MLLT10: variants seen among roughly 807,000 people sequenced by gnomAD.
MLLT10 encodes MLLT10 histone lysine methyltransferase DOT1L cofactor.
A neutral mutation model predicts 129.1 loss-of-function variants in MLLT10; 30 were observed. The observed-to-expected ratio is 0.23, with a 90% confidence interval of 0.17 to 0.32. The LOEUF (loss-of-function observed/expected upper bound fraction) is 0.32. Ranked by LOEUF, MLLT10 falls within the 10% of genes least tolerant of loss-of-function variation. The pLI, the probability that MLLT10 is intolerant of heterozygous loss-of-function variation, is 1.00. For missense variants in MLLT10, 1,119 were observed against 1,268.3 expected (o/e 0.88, Z 1.79); for synonymous variants, 490 against 446.4 (o/e 1.10, Z -1.23).
intron 13 of MLLT10, among the ~76,000 whole-genome samples, chr10:21,693,642 A>T (rs561905518): frequency 4.0e-4 from 60 of 151,816 alleles, no homozygotes; most frequent in African/African-American, 1.4e-3. Context: ...CCTGATTGAG[A>T]GAATTCATGC....
chr10:21,716,249 C>G (rs1286906067), intron 14 of MLLT10, among the ~76,000 whole-genome samples: 1 of 152,212 alleles, frequency 6.6e-6, no homozygotes, highest in Non-Finnish European at 1.5e-5. Context: ...ATTCCTGTTT[C>G]ACTCTCATAT....
Position 21,673,354 on chromosome 10 carries a change from T to A in MLLT10, c.1056T>A (p.Ser352Arg), listed in dbSNP as rs369159177. The change falls in exon 11 of 23, where the codon AGT becomes AGA. Residue 352 changes from serine (S) to arginine (R), a missense_variant. Physicochemically the swap from Ser to Arg is moderately radical, Grantham distance 110. Coordinates refer to ENST00000307729, the MANE Select transcript of MLLT10 (RefSeq NM_001195626.3). Reference protein sequence around the residue: ...VSAASPFPQGSFSGTPGSVKS... With the variant: ...VSAASPFPQGRFSGTPGSVKS... Reference sequence around the variant, plus strand: ...TTTTTTTTTTTTAAACTACAGGCAGTTTTTCAGGAACTCCAGGCAGTGTAA... The same window carrying A: ...TTTTTTTTTTTTAAACTACAGGCAGATTTTCAGGAACTCCAGGCAGTGTAA... 1 of 1,303,394 alleles carries A rather than the reference T, an allele frequency of 7.7e-7. No individual in the cohort carries two copies. The highest frequency in any genetic ancestry group is 9.9e-7 in the Non-Finnish European group (1 of 1,005,216). 80.7% of individuals were successfully genotyped at this position (1,303,394 alleles called of 1,614,324 possible).
intron 9 of MLLT10, among the ~76,000 whole-genome samples, chr10:21,669,923 GT>G (rs200919714): frequency 6.7e-6 from 1 of 149,290 alleles, no homozygotes; most frequent in Admixed American, 6.7e-5. Flanking sequence ...AAATCTTTCT[GT>G]TTTTTTTTGC....
chr10:21,631,721 G>A (rs547382106), intron 8 of MLLT10, among the ~76,000 whole-genome samples: 9 of 152,214 alleles, frequency 5.9e-5, no homozygotes, highest in African/African-American at 2.2e-4. Context: ...ACCAGATCTG[G>A]TGAGAACTCT....
Position 21,535,121 on chromosome 10 carries a change from TGGGGGC to T in MLLT10, c.160+338_160+343del, listed in dbSNP as rs913075814. Among the ~76,000 whole-genome samples, 113 of 85,314 alleles carry T rather than the reference TGGGGGC, an allele frequency of 1.3e-3. 1 individual carries two copies. In the East Asian group the frequency reaches 0.036, roughly 27 times the overall value. The allele number at this position is 85,314 out of a possible 152,430, so 56.0% of individuals were successfully genotyped here. A position where few individuals can be genotyped will look rare whatever the true frequency, so the allele number is the denominator to read the frequency against. Reference sequence around the variant, plus strand: ...CGCGCCCTCGAGATCTGGGCCGGGGTGGGGGCGGGGGCGGGGGCGGGGGCGGTGCGC... The same window carrying T: ...CGCGCCCTCGAGATCTGGGCCGGGGTGGGGGCGGGGGCGGGGGCGGTGCGC... On this transcript the variant is annotated intron_variant, in intron 2 of 22. Coordinates refer to ENST00000307729, the MANE Select transcript of MLLT10 (RefSeq NM_001195626.3).
At position 21,607,015 on chromosome 10, in the gene MLLT10, C is replaced by T. The variant is rs1413368539; in HGVS notation, c.406-5333C>T. ...TGGTAGTTCACACCTTTAATCCCAGCCCTTTTGGAGACAGTAGGATTGCTT... is the reference window on the plus strand; with the variant it reads ...TGGTAGTTCACACCTTTAATCCCAGTCCTTTTGGAGACAGTAGGATTGCTT... On this transcript the variant is annotated intron_variant, in intron 5 of 22. Coordinates refer to ENST00000307729, the MANE Select transcript of MLLT10 (RefSeq NM_001195626.3). 2.0e-5 allele frequency among the ~76,000 whole-genome samples: 3 copies of T among 152,110 alleles called. No homozygotes were observed. In the East Asian group the frequency reaches 5.8e-4, roughly 29 times the overall value.
Position 21,726,334 on chromosome 10 carries a change from C to G in MLLT10, c.1969C>G (p.Gln657Glu). ...SNSSMAALIA[Q>E]SENNQTDQDL... ...TTCATCAATGGCAGCTCTTATAGCT[C>G]AGTCTGAAAACAATCAAACAGGTAA... Residue 657 changes from glutamine (Q) to glutamate (E), a missense_variant, in exon 15 of 23, where the codon CAG (glutamine) becomes GAG (glutamate). Coordinates refer to ENST00000307729, the MANE Select transcript of MLLT10 (RefSeq NM_001195626.3). 2 of 1,611,168 alleles carry G rather than the reference C, an allele frequency of 1.2e-6. No individual in the cohort carries two copies. Among genetic ancestry groups the G allele is most frequent in the African/African-American group, 1.3e-5 (1 of 74,954 alleles).
intron 8 of MLLT10, among the ~76,000 whole-genome samples, chr10:21,624,006 T>G (rs2046171621): frequency 6.6e-6 from 1 of 152,206 alleles, no homozygotes; most frequent in Non-Finnish European, 1.5e-5. Context: ...AAGAACAAAT[T>G]GTCATGGCTT....
In MLLT10 at chr10:21,713,931, C is replaced by T. The variant is rs1272083586; in HGVS notation, c.1859C>T (p.Pro620Leu). The change falls in exon 14 of 23, where the codon CCT becomes CTT. Residue 620 changes from proline to leucine, a missense_variant. Coordinates refer to ENST00000307729, the MANE Select transcript of MLLT10 (RefSeq NM_001195626.3). ...CCCTCAGCTGTGTCATCTGCAGCCC[C>T]TGCTGTTGCTACAACTCAGGTAAGT... Reference protein sequence around the residue: ...LSPSAVSSAAPAVATTQANTL... With the variant: ...LSPSAVSSAALAVATTQANTL... The T allele has an allele frequency of 6.2e-7, 1 of 1,612,070 alleles. No homozygotes were observed. Among genetic ancestry groups the T allele is most frequent in the South Asian group, 1.1e-5 (1 of 90,676 alleles).
In MLLT10 at chr10:21,727,066, G is replaced by C. The variant is rs539238120; in HGVS notation, c.1990+711G>C. ...TTGACATGTCCAAGTAGTCATGCCT[G>C]TTTGGGGGAAGGGAATGGATTTAGC... On this transcript the variant is annotated intron_variant, in intron 15 of 22. Transcript: ENST00000307729. 1.1e-4 allele frequency among the ~76,000 whole-genome samples: 16 copies of C among 152,244 alleles called. No homozygotes were observed. In the South Asian group the frequency reaches 2.9e-3, roughly 28 times the overall value.
chr10:21,733,884 T>C lies in MLLT10; in HGVS notation c.2613T>C (p.Asn871=). 1 of 1,614,158 alleles carries C rather than the reference T, an allele frequency of 6.2e-7. No individual in the cohort carries two copies. Among genetic ancestry groups the C allele is most frequent in the Non-Finnish European group, 8.5e-7 (1 of 1,180,008 alleles). The change falls in exon 20 of 23, where the codon AAT becomes AAC. Residue 871 remains asparagine (N), a synonymous_variant. Coordinates refer to ENST00000307729, the MANE Select transcript of MLLT10 (RefSeq NM_001195626.3). ...GSGVSGVQQV[N]GVTVGALASG... ...GAGTGAGTGGAGTTCAGCAGGTCAATGGCGTGACAGTGGGGGCACTAGCTA... is the reference window on the plus strand; with the variant it reads ...GAGTGAGTGGAGTTCAGCAGGTCAACGGCGTGACAGTGGGGGCACTAGCTA...
chr10:21,667,132 T>C (rs1276550884), intron 9 of MLLT10, among the ~76,000 whole-genome samples: 2 of 152,164 alleles, frequency 1.3e-5, no homozygotes, highest in African/African-American at 4.8e-5. Flanking sequence ...TTTCTTTTAG[T>C]ACTCTCCTGT....
intron 21 of MLLT10, 92 bp from the exon 22 acceptor site, chr10:21,739,938 A>G (rs958703136): frequency 1.0e-6 from 1 of 960,836 alleles, no homozygotes; most frequent in Non-Finnish European, 1.5e-6. Context: ...GCAAATATCT[A>G]ATATTAAAGG....
chr10:21,714,425 G>C (rs912450009), intron 14 of MLLT10, among the ~76,000 whole-genome samples: 8 of 152,284 alleles, frequency 5.3e-5, no homozygotes, highest in Non-Finnish European at 1.2e-4. Context: ...CCTCCTAGTG[G>C]GAGAGAACAG....
chr10:21,595,265 G>A, intron 4 of MLLT10, 66 bp from the exon 5 acceptor site: 1 of 1,171,948 alleles, frequency 8.5e-7, no homozygotes, highest in East Asian at 2.4e-5. Context: ...ATCTGTTAAG[G>A]AAGTTAACGG....
chr10:21,696,195 T>A (rs981801131), intron 13 of MLLT10, among the ~76,000 whole-genome samples: 1 of 152,014 alleles, frequency 6.6e-6, no homozygotes, highest in Non-Finnish European at 1.5e-5. Flanking sequence ...TATGTATTTA[T>A]TTTTTTGATT....
At chr10:21,624,457 A>C in intron 8 of MLLT10, 1 of 532,772 alleles carries the variant, frequency 1.9e-6, no homozygotes, top group Non-Finnish European at 3.3e-6. Flanking sequence ...CACAATAGTG[A>C]TTTCTTCAGC....
At chr10:21,694,012 T>C (rs2054130193) in intron 13 of MLLT10, among the ~76,000 whole-genome samples, 1 of 152,200 alleles carries the variant, frequency 6.6e-6, no homozygotes, top group South Asian at 2.1e-4. Flanking sequence ...AAAAAAGAGC[T>C]GCGTAGTTCT....
chr10:21,733,022 CT>C lies in MLLT10; in HGVS notation c.2346del (p.Pro783GlnfsTer3). ...TTATTGAATGCACAGCTTTCAGTGC[CT>C]TTTCCAACAATAACAGCAAATCCTA... ...LQLLNAQLSV[P>X]FPTITANPSP... On this transcript the variant is annotated frameshift_variant, in exon 18 of 23. Transcript: ENST00000307729. LOFTEE classifies it high-confidence loss of function. The C allele has an allele frequency of 6.2e-7, 1 of 1,613,798 alleles. No homozygotes were observed. The highest frequency in any genetic ancestry group is 1.7e-5 in the Admixed American group (1 of 59,984).
Sources: gnomAD v4.1 joint callset for allele counts (sites outside exome capture counted in the v4.1 genomes callset) on GRCh38, gnomAD v4.1.1 for gene constraint, MANE v1.5 for transcripts, NCBI Gene and HGNC (gene_info 2026-07-23, HGNC 2026-07-21) for gene names.